The following B3GLCT variants were observed in gnomAD, a reference collection of about 807,000 sequenced individuals.
B3GLCT encodes the protein beta 3-glucosyltransferase.
A neutral mutation model predicts 63.4 loss-of-function variants in B3GLCT; 65 were observed. The ratio of observed to expected loss-of-function variants is 1.03; its 90% confidence interval spans 0.84 to 1.26. The LOEUF (loss-of-function observed/expected upper bound fraction) is 1.26, where lower values mean the gene tolerates loss of function less well. Among genes scored for constraint, B3GLCT ranks in the 50% most tolerant of loss-of-function variants. The pLI, the probability that B3GLCT is intolerant of heterozygous loss-of-function variation, is 0.00. For missense variants in B3GLCT, 577 were observed against 604.8 expected, an observed-to-expected ratio of 0.95 and a Z score of 0.48; for synonymous variants, 233 against 219.2, an observed-to-expected ratio of 1.06 and a Z score of -0.55.
chr13:31,276,225 G>A (rs2137861026), intron 9 of B3GLCT, among the ~76,000 whole-genome samples: 1 of 152,256 alleles, frequency 6.6e-6, no homozygotes, highest in East Asian at 1.9e-4. Flanking sequence ...CCGTAAAAAT[G>A]TTTTCAACAT....
intron 12 of B3GLCT, among the ~76,000 whole-genome samples, chr13:31,314,427 C>T (rs1245394812): frequency 1.3e-5 from 2 of 152,208 alleles, no homozygotes; most frequent in Admixed American, 1.3e-4. Flanking sequence ...ATCAGTGTTA[C>T]CTGGATGTGA....
chr13:31,322,463 G>T (rs1875373822), intron 13 of B3GLCT, among the ~76,000 whole-genome samples: 1 of 152,182 alleles, frequency 6.6e-6, no homozygotes. Context: ...TCTTTTTAAT[G>T]TTTAATAGTT....
chr13:31,263,239 T>G (rs1186097771), intron 7 of B3GLCT, among the ~76,000 whole-genome samples: 1 of 152,206 alleles, frequency 6.6e-6, no homozygotes, highest in East Asian at 1.9e-4. Flanking sequence ...CTGTCTTCCT[T>G]TAGCAAGACT....
At chr13:31,208,379 C>T (rs893057385) in intron 1 of B3GLCT, among the ~76,000 whole-genome samples, 1 of 152,130 alleles carries the variant, frequency 6.6e-6, no homozygotes, top group Non-Finnish European at 1.5e-5. Flanking sequence ...CGTTCTGGTG[C>T]GCTGTGGAGA....
At chr13:31,250,031 T>C (rs1254239864) in intron 6 of B3GLCT, among the ~76,000 whole-genome samples, 1 of 152,230 alleles carries the variant, frequency 6.6e-6, no homozygotes, top group Non-Finnish European at 1.5e-5. Context: ...GTAAAACTTT[T>C]AACTTTTATT....
At chr13:31,208,210 C>T (rs1369958842) in intron 1 of B3GLCT, among the ~76,000 whole-genome samples, 2 of 152,120 alleles carry the variant, frequency 1.3e-5, no homozygotes, top group East Asian at 3.9e-4. Context: ...TTGTACAGTG[C>T]AGCTTTAAGG....
At chr13:31,285,239 C>A (rs1366690214) in intron 11 of B3GLCT, among the ~76,000 whole-genome samples, 1 of 152,066 alleles carries the variant, frequency 6.6e-6, no homozygotes, top group Non-Finnish European at 1.5e-5. Context: ...CTTCAAATTG[C>A]AGGCTTTCTA....
At chr13:31,287,180 A>G (rs947578413) in intron 12 of B3GLCT, among the ~76,000 whole-genome samples, 10 of 152,292 alleles carry the variant, frequency 6.6e-5, no homozygotes, top group South Asian at 2.1e-4. Flanking sequence ...GACCAAGGCT[A>G]TTACAGTTTG....
At chr13:31,256,721 A>G (rs938496957) in intron 6 of B3GLCT, among the ~76,000 whole-genome samples, 8 of 152,212 alleles carry the variant, frequency 5.3e-5, no homozygotes, top group South Asian at 2.1e-4. Flanking sequence ...GAGTTAATCA[A>G]TGAGAACACA....
rs184187054 is a variant in B3GLCT at position 31,294,987 on chromosome 13, T to C, written c.1064+8168T>C. ...GTCTTTGATGTTGGTGACCTTTGAA[T>C]GGGGTTTTGTGTGGACGTCCTTTTT... On this transcript the variant is annotated intron_variant, in intron 12 of 14. Transcript: ENST00000343307. 1.2e-3 allele frequency among the ~76,000 whole-genome samples: 159 copies of C among 129,852 alleles called. 2 individuals are homozygous for C. In the East Asian group the frequency reaches 0.014, roughly 11 times the overall value. 85.2% of individuals were successfully genotyped at this position (129,852 alleles called of 152,430 possible). A position where few individuals can be genotyped will look rare whatever the true frequency, so the allele number is the denominator to read the frequency against.
chr13:31,209,052 C>G (rs989859231), intron 1 of B3GLCT, among the ~76,000 whole-genome samples: 7 of 152,276 alleles, frequency 4.6e-5, no homozygotes, highest in Admixed American at 3.3e-4. Context: ...TGCCATTGGC[C>G]TGCCCTGTAT....
intron 4 of B3GLCT, 56 bp from the exon 5 acceptor site, chr13:31,246,967 A>ATT: frequency 5.2e-6 from 4 of 768,394 alleles, no homozygotes; most frequent in African/African-American, 3.2e-5. Flanking sequence ...TTTTTTTTTT[A>ATT]CTTTTTTTCG....
chr13:31,286,890 A>C (rs1873363593), intron 12 of B3GLCT, 71 bp downstream of exon 12: 9 of 1,075,606 alleles, frequency 8.4e-6, no homozygotes, highest in Middle Eastern at 2.2e-4. Flanking sequence ...CTAGATGGGT[A>C]CTTTTTCTGG....
At chr13:31,270,895 A>C (rs1872550657) in intron 8 of B3GLCT, among the ~76,000 whole-genome samples, 2 of 152,208 alleles carry the variant, frequency 1.3e-5, no homozygotes, top group Admixed American at 6.5e-5. Context: ...AAGGGTGAGG[A>C]GGATGGAATG....
rs142242472 is a variant in B3GLCT at position 31,329,426 on chromosome 13, A to G, written c.1330-75A>G. 498 of 1,545,190 alleles carry G rather than the reference A, an allele frequency of 3.2e-4. 3 individuals are homozygous for G. The East Asian group carries it at 0.01, about 32-fold the overall frequency. ...GTAGTGAAGTAAAGCAGTCCACTTT[A>G]TAAATTCAAATGCTCTTCTGCAGCA... On this transcript the variant is annotated intron_variant, in intron 14 of 14. Transcript: ENST00000343307.
chr13:31,270,552 G>A (rs1040613504), intron 8 of B3GLCT, among the ~76,000 whole-genome samples: 2 of 152,102 alleles, frequency 1.3e-5, no homozygotes, highest in Non-Finnish European at 2.9e-5. Context: ...TATATGAAAG[G>A]TATAAAGATT....
intron 5 of B3GLCT, among the ~76,000 whole-genome samples, chr13:31,247,645 T>C (rs1871254780): frequency 6.6e-6 from 1 of 152,208 alleles, no homozygotes; most frequent in Non-Finnish European, 1.5e-5. Context: ...CCTGAACTAG[T>C]GTTGTTATGG....
At chr13:31,239,300 G>GT (rs985973677) in intron 4 of B3GLCT, among the ~76,000 whole-genome samples, 5 of 152,188 alleles carry the variant, frequency 3.3e-5, no homozygotes, top group South Asian at 2.1e-4. Flanking sequence ...TTTTTTCCCT[G>GT]TTTTTTTCCT....
chr13:31,206,700 G>A (rs952177922), intron 1 of B3GLCT, among the ~76,000 whole-genome samples: 2 of 149,720 alleles, frequency 1.3e-5, no homozygotes, highest in Admixed American at 6.6e-5. Context: ...TCATGCCATT[G>A]CACTCCAGCC....
Sources: gnomAD v4.1 joint callset for allele counts (sites outside exome capture counted in the v4.1 genomes callset) on GRCh38, gnomAD v4.1.1 for gene constraint, MANE v1.5 for transcripts, NCBI Gene and HGNC (gene_info 2026-07-23, HGNC 2026-07-21) for gene names.